Variants in HS6ST2 observed in about 807,000 individuals in gnomAD.
HS6ST2 encodes the protein heparan sulfate 6-O-sulfotransferase 2.
A neutral mutation model predicts 33.0 loss-of-function variants in HS6ST2; 17 were observed. The ratio of observed to expected loss-of-function variants is 0.52; its 90% CI spans 0.35 to 0.77. The LOEUF (loss-of-function observed/expected upper bound fraction) is 0.77. Among genes scored for constraint, HS6ST2 ranks in the 30% least tolerant of loss-of-function variants. The probability of loss-of-function intolerance (pLI) is 0.01; values close to 1 mark genes in which losing one functional copy is unlikely to be tolerated. For missense variants in HS6ST2, 519 were observed against 551.7 expected (o/e 0.94, Z 0.59); for synonymous variants, 248 against 237.1 (o/e 1.05, Z -0.42).
chrX:132,636,414 G>A (rs1408037527), intron 4 of HS6ST2, among the ~76,000 whole-genome samples: 2 of 111,719 alleles, frequency 1.8e-5, no homozygotes, highest in African/African-American at 3.3e-5. Flanking sequence ...TTAAAAGAAG[G>A]CTGGAAAGTT....
chrX:132,850,298 T>A (rs2065790646), intron 2 of HS6ST2, among the ~76,000 whole-genome samples: 1 of 112,017 alleles, frequency 8.9e-6, no homozygotes, highest in South Asian at 3.7e-4. Flanking sequence ...CCTCACTTTT[T>A]ATTCTCTTTA....
At chrX:132,755,091 G>A (rs2064746429) in intron 2 of HS6ST2, among the ~76,000 whole-genome samples, 1 of 108,708 alleles carries the variant, frequency 9.2e-6, no homozygotes, top group African/African-American at 3.4e-5. Context: ...ACCTCCTTGA[G>A]GGCAGAGAAT....
intron 2 of HS6ST2, among the ~76,000 whole-genome samples, chrX:132,836,641 A>G (rs1012712132): frequency 8.9e-6 from 1 of 112,937 alleles, no homozygotes; most frequent in African/African-American, 3.2e-5. Flanking sequence ...GCCCTGGCCA[A>G]TGGCCAGTAA....
intron 3 of HS6ST2, among the ~76,000 whole-genome samples, chrX:132,671,148 C>G (rs930226361): frequency 2.1e-4 from 24 of 112,658 alleles, no homozygotes; most frequent in African/African-American, 6.4e-4. Flanking sequence ...AGGGACCATC[C>G]TGGCTATCCT....
At chrX:132,843,004 T>C (rs1433947915) in intron 2 of HS6ST2, among the ~76,000 whole-genome samples, 1 of 111,953 alleles carries the variant, frequency 8.9e-6, no homozygotes, top group Admixed American at 9.5e-5. Flanking sequence ...CTAGGTGCAG[T>C]TGCATTCCAG....
intron 3 of HS6ST2, among the ~76,000 whole-genome samples, chrX:132,680,737 C>G (rs2063963119): frequency 9.0e-6 from 1 of 111,016 alleles, no homozygotes; most frequent in African/African-American, 3.3e-5. Flanking sequence ...TGGCTCACAC[C>G]TGTAATCCTA....
chrX:132,811,331 A>G (rs1218346583), intron 2 of HS6ST2, among the ~76,000 whole-genome samples: 1 of 110,558 alleles, frequency 9.0e-6, no homozygotes, highest in Non-Finnish European at 1.9e-5. Context: ...TGGCTCTAGA[A>G]AGTTTTTTTT....
At chrX:132,928,401 C>T (rs975251492) in intron 2 of HS6ST2, among the ~76,000 whole-genome samples, 3 of 110,805 alleles carry the variant, frequency 2.7e-5, no homozygotes, top group African/African-American at 6.6e-5. Flanking sequence ...GCCACTTCGC[C>T]CAGCTGCCAC....
intron 2 of HS6ST2, among the ~76,000 whole-genome samples, chrX:132,865,084 G>A (rs925407413): frequency 5.6e-5 from 6 of 108,070 alleles, no homozygotes; most frequent in South Asian, 4.3e-4. Context: ...CCACTAACTC[G>A]TCATCCAGCA....
chrX:132,882,823 T>C (rs1472981511), intron 2 of HS6ST2, among the ~76,000 whole-genome samples: 1 of 111,073 alleles, frequency 9.0e-6, no homozygotes, highest in Non-Finnish European at 1.9e-5. Flanking sequence ...TTATTGAGAG[T>C]TTTTAGCATG....
At chrX:132,961,305 G>C (rs766010197), upstream of HS6ST2, 18 of 111,037 alleles carry the variant, frequency 1.6e-4, no homozygotes, top group African/African-American at 5.2e-4. Context: ...CTATGGTGTG[G>C]TATGATTTTC....
chrX:132,901,706 G>A (rs2066427696), intron 2 of HS6ST2, among the ~76,000 whole-genome samples: 1 of 111,521 alleles, frequency 9.0e-6, no homozygotes, highest in Admixed American at 9.6e-5. Flanking sequence ...CTCAGGTATG[G>A]GGAAAACCAG....
chrX:132,769,352 A>G (rs2064875724), intron 2 of HS6ST2, among the ~76,000 whole-genome samples: 1 of 112,199 alleles, frequency 8.9e-6, no homozygotes, highest in African/African-American at 3.2e-5. Context: ...ACTTTAGAAG[A>G]ACAGTTAATT....
intron 2 of HS6ST2, among the ~76,000 whole-genome samples, chrX:132,895,801 T>C (rs749624197): frequency 6.6e-4 from 73 of 110,380 alleles, no homozygotes; most frequent in Non-Finnish European, 9.6e-4. Context: ...TCTAATCTGT[T>C]GCCTTACATC....
At chrX:132,945,121 T>C (rs886079565) in intron 2 of HS6ST2, among the ~76,000 whole-genome samples, 1 of 111,975 alleles carries the variant, frequency 8.9e-6, no homozygotes, top group Non-Finnish European at 1.9e-5. Flanking sequence ...AAAGGGCTAA[T>C]ATCCAGAATC....
intron 2 of HS6ST2, among the ~76,000 whole-genome samples, chrX:132,858,796 A>G (rs1274053586): frequency 8.9e-6 from 1 of 112,304 alleles, no homozygotes; most frequent in Non-Finnish European, 1.9e-5. Flanking sequence ...ACAGTAGACA[A>G]TATCCCCTCC....
chrX:132,901,172 C>A lies in HS6ST2; in HGVS notation c.947+55636G>T, dbSNP rs952844283. Among the ~76,000 whole-genome samples the A allele has an allele frequency of 4.5e-5, 5 of 111,616 alleles. No individual in the cohort carries two copies. In the East Asian group the frequency reaches 1.4e-3, roughly 31 times the overall value. ...AAGCCTTCAGAAGAAATGACTGCAGCCCCAGCCAACATCTTGATTGCAGCC... is the reference window on the plus strand; with the variant it reads ...AAGCCTTCAGAAGAAATGACTGCAGACCCAGCCAACATCTTGATTGCAGCC... On this transcript the variant is annotated intron_variant, in intron 2 of 4. Transcript: ENST00000370833.
At chrX:132,960,358 C>T (rs1413265329), upstream of HS6ST2, among the ~76,000 whole-genome samples, 1 of 110,669 alleles carries the variant, frequency 9.0e-6, no homozygotes, top group Non-Finnish European at 1.9e-5. Flanking sequence ...TGGCTCTCCT[C>T]ATGGTGTCGC....
intron 3 of HS6ST2, among the ~76,000 whole-genome samples, chrX:132,704,148 C>G (rs1818434): frequency 0.024 from 2,714 of 112,494 alleles, 57 homozygotes; most frequent in East Asian, 0.14. Flanking sequence ...CATTTGCTCT[C>G]ACAAAATTCC....
Sources: allele counts gnomAD v4.1 joint callset (sites outside exome capture counted in the v4.1 genomes callset), GRCh38; gene constraint gnomAD v4.1.1; transcripts MANE v1.5; gene names NCBI Gene and HGNC (gene_info 2026-07-23, HGNC 2026-07-21).